The following RFX4 variants were observed in gnomAD, a reference collection of about 807,000 sequenced individuals.
The protein encoded by RFX4 is transcription factor RFX4.
In RFX4, 10 loss-of-function variants were observed where a neutral mutation model predicts 95.0. The observed-to-expected ratio is 0.11, with a 90% CI of 0.06 to 0.18. The LOEUF (loss-of-function observed/expected upper bound fraction) is 0.18, where lower values mean the gene tolerates loss of function less well. RFX4 is among the 10% of genes least tolerant of loss of function. The pLI is 1.00. For missense variants in RFX4, 640 were observed against 922.0 expected (o/e 0.69, Z 3.96); for synonymous variants, 321 against 340.7 (o/e 0.94, Z 0.64).
chr12:106,719,593 G>A (rs948134164), intron 11 of RFX4, among the ~76,000 whole-genome samples: 3 of 152,106 alleles, frequency 2.0e-5, no homozygotes, highest in African/African-American at 2.4e-5. Flanking sequence ...TCAGTTCTGC[G>A]GGCAAGGGGC....
At chr12:106,653,476 A>G (rs574151578) in intron 3 of RFX4, among the ~76,000 whole-genome samples, 1 of 152,306 alleles carries the variant, frequency 6.6e-6, no homozygotes, top group East Asian at 1.9e-4. Context: ...ACCAAAAGGA[A>G]ACTGAGGCCT....
At chr12:106,686,212 A>G (rs961722431) in intron 5 of RFX4, among the ~76,000 whole-genome samples, 3 of 152,158 alleles carry the variant, frequency 2.0e-5, no homozygotes. Context: ...GGAGTTTGAG[A>G]CCAACCTGAC....
At chr12:106,738,234 C>A (rs1264035580) in intron 15 of RFX4, among the ~76,000 whole-genome samples, 1 of 152,122 alleles carries the variant, frequency 6.6e-6, no homozygotes, top group Non-Finnish European at 1.5e-5. Context: ...CTGAAATAAA[C>A]AGGGAAATTA....
intron 5 of RFX4, chr12:106,684,588 G>T: frequency 1.2e-6 from 1 of 815,724 alleles, no homozygotes; most frequent in Non-Finnish European, 1.8e-6. Context: ...CATATTAGAT[G>T]ATCTGGCTCT....
chr12:106,704,403 T>A (rs556644270), intron 8 of RFX4, among the ~76,000 whole-genome samples: 73 of 152,328 alleles, frequency 4.8e-4, no homozygotes, highest in African/African-American at 1.6e-3. Context: ...GAAGACAAAG[T>A]TATTCAAAAC....
rs532426699 is a variant in RFX4, at chr12:106,617,385, C to T, written c.130+8502C>T. On this transcript the variant is annotated intron_variant, in intron 2 of 17. Transcript: ENST00000392842. ...ATATACATTTAAAGTCATAAATTTT[C>T]CTCTAAGCATTGCTTAATTAATCCC... is the stretch of plus-strand genomic sequence containing the variant. Among the ~76,000 whole-genome samples the T allele has an allele frequency of 2.0e-5, 3 of 152,252 alleles. No homozygotes were observed. In the South Asian group the frequency reaches 6.2e-4, roughly 32 times the overall value.
intron 11 of RFX4, among the ~76,000 whole-genome samples, chr12:106,719,279 T>C (rs2042353086): frequency 6.6e-6 from 1 of 152,206 alleles, no homozygotes; most frequent in Non-Finnish European, 1.5e-5. Context: ...ATTAAGCACC[T>C]ACTACATGCC....
chr12:106,724,665 A>G (rs1347105618), intron 13 of RFX4, among the ~76,000 whole-genome samples: 2 of 152,202 alleles, frequency 1.3e-5, no homozygotes, highest in African/African-American at 2.4e-5. Flanking sequence ...AATCAGTTAT[A>G]CAAAGACAGA....
intron 3 of RFX4, chr12:106,645,751 C>T (rs1281525260): frequency 4.7e-6 from 2 of 427,584 alleles, no homozygotes; most frequent in East Asian, 1.4e-4. Flanking sequence ...TGACATTTTG[C>T]ACCCTTTTGT....
rs367734775 is a variant in RFX4 at position 106,672,558 on chromosome 12, A to G, written c.316-9435A>G. On this transcript the variant is annotated intron_variant, in intron 4 of 17. Transcript: ENST00000392842. ...CTCATTTATCAAACAGCGAAGCTCA[A>G]CTTTCACAGCTCCACAAAAGTGTTT... Among the ~76,000 whole-genome samples, 5 of 152,186 alleles carry G rather than the reference A, an allele frequency of 3.3e-5. No individual in the cohort carries two copies. The East Asian group carries it at 7.7e-4, about 23-fold the overall frequency.
intron 2 of RFX4, among the ~76,000 whole-genome samples, chr12:106,633,443 T>C (rs561827406): frequency 6.6e-6 from 1 of 152,258 alleles, no homozygotes; most frequent in African/African-American, 2.4e-5. Context: ...AGGTAGCATA[T>C]GAAAAGTGAT....
chr12:106,696,391 T>C lies in RFX4; in HGVS notation c.778T>C (p.Tyr260His). 1 of 1,614,166 alleles carries C rather than the reference T, an allele frequency of 6.2e-7. No homozygotes were observed. The highest frequency in any genetic ancestry group is 8.5e-7 in the Non-Finnish European group (1 of 1,180,024). The change falls in exon 8 of 18, where the codon TAC becomes CAC. Residue 260 changes from tyrosine to histidine, a missense_variant. This residue lies in a region of RFX4 where 96 missense variants were observed against 183.7 expected (regional missense o/e 0.52). Coordinates refer to ENST00000392842, the MANE Select transcript of RFX4 (RefSeq NM_213594.3). ...TGTCGGCGTGTGTGACTCCATCCTCTACAAAGCTATCTCCGGGGTGCTGAT... is the reference window on the plus strand; with the variant it reads ...TGTCGGCGTGTGTGACTCCATCCTCCACAAAGCTATCTCCGGGGTGCTGAT... ...NIVGVCDSIL[Y>H]KAISGVLMPT...
At chr12:106,704,354 G>A (rs193234171) in intron 8 of RFX4, among the ~76,000 whole-genome samples, 34 of 152,320 alleles carry the variant, frequency 2.2e-4, no homozygotes, top group African/African-American at 7.9e-4. Flanking sequence ...ATCTTAGCCT[G>A]CAAGGCTTAC....
chr12:106,735,623 A>G (rs1462461964), intron 15 of RFX4, among the ~76,000 whole-genome samples: 1 of 152,194 alleles, frequency 6.6e-6, no homozygotes, highest in East Asian at 1.9e-4. Context: ...AAGTGTAAAG[A>G]AAAAAACTGC....
At chr12:106,711,348 C>T (rs184907031) in intron 9 of RFX4, 105 bp from the exon 10 acceptor site, 18 of 996,176 alleles carry the variant, frequency 1.8e-5, no homozygotes, top group South Asian at 1.2e-4. Context: ...GTGAGATAAA[C>T]GTAGGCAAAA....
At chr12:106,730,157 T>C (rs1484667897) in intron 13 of RFX4, among the ~76,000 whole-genome samples, 1 of 152,140 alleles carries the variant, frequency 6.6e-6, no homozygotes, top group Non-Finnish European at 1.5e-5. Flanking sequence ...AAGCCAGGGA[T>C]CTTCCTCTCT....
At chr12:106,633,911 C>CT (rs1325629628) in intron 2 of RFX4, among the ~76,000 whole-genome samples, 6 of 152,220 alleles carry the variant, frequency 3.9e-5, no homozygotes, top group Non-Finnish European at 8.8e-5. Flanking sequence ...GCTTCTGCCT[C>CT]TTGGAGTACC....
intron 4 of RFX4, among the ~76,000 whole-genome samples, chr12:106,674,689 AC>A (rs2041357393): frequency 6.6e-6 from 1 of 152,156 alleles, no homozygotes; most frequent in South Asian, 2.1e-4. Flanking sequence ...TGGAGCACTT[AC>A]CTGATAGAAG....
intron 5 of RFX4, chr12:106,684,553 T>G (rs1467141801): frequency 2.4e-6 from 1 of 419,860 alleles, no homozygotes; most frequent in African/African-American, 2.0e-5. Flanking sequence ...GATCTCTGAA[T>G]AGTCAAGAAG....
Sources: allele counts gnomAD v4.1 joint callset (sites outside exome capture counted in the v4.1 genomes callset), GRCh38; gene constraint gnomAD v4.1.1; regional missense constraint gnomAD v4.1.1; transcripts MANE v1.5; gene names NCBI Gene and HGNC (gene_info 2026-07-23, HGNC 2026-07-21).